Variants in DIS3L observed in about 807,000 individuals in gnomAD.
DIS3L encodes DIS3-like exonuclease 1.
A neutral mutation model predicts 120.3 loss-of-function variants in DIS3L; 100 were observed. The ratio of observed to expected loss-of-function variants is 0.83; its 90% CI spans 0.71 to 0.98. DIS3L has a LOEUF of 0.98. DIS3L is among the 50% of genes least tolerant of loss of function. The pLI is 0.00. For synonymous variants in DIS3L, 426 were observed against 470.6 expected (o/e 0.91, Z 1.23); for missense variants, 1,196 against 1,314.2 (o/e 0.91, Z 1.39).
intron 2 of DIS3L, among the ~76,000 whole-genome samples, chr15:66,296,346 A>G (rs2092586177): frequency 6.6e-6 from 1 of 152,114 alleles, no homozygotes; most frequent in South Asian, 2.1e-4. Flanking sequence ...ACTTGATGAA[A>G]AACTATTGGT....
chr15:66,325,294 T>A, intron 11 of DIS3L, among the ~76,000 whole-genome samples: 1 of 152,078 alleles, frequency 6.6e-6, no homozygotes, highest in East Asian at 1.9e-4. Context: ...CTCAGGTGGC[T>A]GAGGCAGGAG....
chr15:66,311,929 G>T, intron 5 of DIS3L, 29 bp downstream of exon 5: 2 of 1,610,422 alleles, frequency 1.2e-6, no homozygotes, highest in East Asian at 2.2e-5. Flanking sequence ...AATGTGTCAG[G>T]GCTGGGCACA....
At chr15:66,311,261 G>C (rs1020863146) in intron 4 of DIS3L, among the ~76,000 whole-genome samples, 1 of 151,860 alleles carries the variant, frequency 6.6e-6, no homozygotes, top group Non-Finnish European at 1.5e-5. Context: ...CACTTGGGGG[G>C]CTGAGGTGGG....
At position 66,315,566 on chromosome 15, in the gene DIS3L, C is replaced by T. The variant is rs113851830; in HGVS notation, c.994+351C>T. 1.1e-4 allele frequency among the ~76,000 whole-genome samples: 17 copies of T among 152,182 alleles called. 1 individual carries two copies. Among genetic ancestry groups the T allele is most frequent in the African/African-American group, 4.1e-4 (17 of 41,486 alleles). On this transcript the variant is annotated intron_variant, in intron 7 of 16. Transcript: ENST00000319212. ...GGTTGTACAATAATAGTTCCTAACA[C>T]GAGATATAGTCTCTTCCTCTCCATT...
chr15:66,327,580 A>G (rs2140407910), intron 12 of DIS3L, among the ~76,000 whole-genome samples: 1 of 151,904 alleles, frequency 6.6e-6, no homozygotes, highest in Non-Finnish European at 1.5e-5. Flanking sequence ...ACACGGTGAA[A>G]CCCCATCTCC....
At chr15:66,309,017 G>C (rs1389256328) in intron 4 of DIS3L, among the ~76,000 whole-genome samples, 173 bp downstream of exon 4, 1 of 141,914 alleles carries the variant, frequency 7.0e-6, no homozygotes, top group East Asian at 2.1e-4. Flanking sequence ...GCTGAGATGG[G>C]AAGATCACTT....
At chr15:66,295,521 GAA>G (rs1279670537) in intron 2 of DIS3L, among the ~76,000 whole-genome samples, 1 of 152,160 alleles carries the variant, frequency 6.6e-6, no homozygotes, top group African/African-American at 2.4e-5. Flanking sequence ...TTTTCTTGGG[GAA>G]AAGAGTACTT....
Position 66,293,588 on chromosome 15 carries a change from C to T in DIS3L, c.-9C>T. On this transcript the variant is annotated 5_prime_UTR_variant, in exon 1 of 17. Transcript: ENST00000319212. ...CCGCCACTCCGCGGCCGCCGGGAGACACGCCGCCATGCTGCAGAAGCGGGA... is the reference window on the plus strand; with the variant it reads ...CCGCCACTCCGCGGCCGCCGGGAGATACGCCGCCATGCTGCAGAAGCGGGA... 1 of 1,428,014 alleles carries T rather than the reference C, an allele frequency of 7.0e-7. No homozygotes were observed. The highest frequency in any genetic ancestry group is 9.2e-7 in the Non-Finnish European group (1 of 1,090,632). 88.5% of individuals were successfully genotyped at this position (1,428,014 alleles called of 1,614,324 possible).
At chr15:66,332,485 AGTGT>A (rs778480622) in intron 15 of DIS3L, among the ~76,000 whole-genome samples, 13,264 of 109,646 alleles carry the variant, frequency 0.12, 811 homozygotes, top group Non-Finnish European at 0.17. Flanking sequence ...TGAAGACTGG[AGTGT>A]GTGTGTGTGT....
intron 9 of DIS3L, among the ~76,000 whole-genome samples, chr15:66,321,125 T>G (rs2092878822): frequency 6.6e-6 from 1 of 152,180 alleles, no homozygotes; most frequent in Admixed American, 6.5e-5. Flanking sequence ...ATTCCTGGGA[T>G]CCATACATCT....
chr15:66,326,267 C>A lies in DIS3L; in HGVS notation c.2104C>A (p.His702Asn), dbSNP rs761837999. The A allele has an allele frequency of 1.2e-6, 2 of 1,614,206 alleles. No homozygotes were observed. The highest frequency in any genetic ancestry group is 4.5e-5 in the East Asian group (2 of 44,874). The change falls in exon 12 of 17, where the codon CAT becomes AAT. Residue 702 changes from histidine to asparagine, a missense_variant. His to Asn is a moderately conservative substitution (Grantham distance 68). Transcript: ENST00000319212. ...VAKKIWESFPHQALLRQHPPP... is the reference protein window; with the variant it reads ...VAKKIWESFPNQALLRQHPPP... Reference sequence around the variant, plus strand: ...CAAAAAGATCTGGGAGAGCTTCCCTCATCAGGCCTTGCTGCGCCAGCACCC... The same window carrying A: ...CAAAAAGATCTGGGAGAGCTTCCCTAATCAGGCCTTGCTGCGCCAGCACCC...
chr15:66,328,912 G>C, intron 12 of DIS3L, 58 bp from the exon 13 acceptor site: 2 of 1,562,714 alleles, frequency 1.3e-6, no homozygotes, highest in South Asian at 2.4e-5. Context: ...TCCCCTCAAA[G>C]TGTTGTCTTG....
intron 14 of DIS3L, among the ~76,000 whole-genome samples, chr15:66,331,133 C>T (rs1002415234): frequency 1.3e-5 from 2 of 151,874 alleles, no homozygotes; most frequent in South Asian, 2.1e-4. Context: ...CCAGCCTAGG[C>T]GATAGAGTGA....
chr15:66,307,396 G>A (rs772485011), intron 3 of DIS3L, among the ~76,000 whole-genome samples: 59 of 151,676 alleles, frequency 3.9e-4, no homozygotes, highest in Admixed American at 2.6e-3. Context: ...TCCTGAGCTC[G>A]AGTTATCCTC....
intron 15 of DIS3L, among the ~76,000 whole-genome samples, 192 bp from the exon 16 acceptor site, chr15:66,332,544 A>C (rs2093012346): frequency 1.4e-5 from 2 of 139,992 alleles, no homozygotes; most frequent in South Asian, 4.4e-4. Context: ...TTCTATATCC[A>C]TTTTAGGGTC....
At chr15:66,322,558 A>G (rs2092895825) in intron 9 of DIS3L, 129 bp from the exon 10 acceptor site, 7 of 1,417,430 alleles carry the variant, frequency 4.9e-6, no homozygotes, top group Non-Finnish European at 9.6e-7. Flanking sequence ...AAGGAAGCCA[A>G]CATAGGTTGA....
chr15:66,317,781 A>G (rs2092835001), intron 7 of DIS3L, among the ~76,000 whole-genome samples: 1 of 151,538 alleles, frequency 6.6e-6, no homozygotes, highest in African/African-American at 2.4e-5. Context: ...ACATATTATG[A>G]TAGTATCTGT....
chr15:66,327,405 A>G (rs1595761634), intron 12 of DIS3L, among the ~76,000 whole-genome samples: 1 of 152,140 alleles, frequency 6.6e-6, no homozygotes, highest in South Asian at 2.1e-4. Flanking sequence ...ACCACCCTCA[A>G]TTGAGTGAGA....
chr15:66,311,603 T>C (rs2092762097), intron 4 of DIS3L, 121 bp from the exon 5 acceptor site: 1 of 1,148,300 alleles, frequency 8.7e-7, no homozygotes. Flanking sequence ...GAAGTCCTGC[T>C]CACTGAGCAC....
Sources: gnomAD v4.1 joint callset for allele counts (sites outside exome capture counted in the v4.1 genomes callset) on GRCh38, gnomAD v4.1.1 for gene constraint, MANE v1.5 for transcripts, NCBI Gene and HGNC (gene_info 2026-07-23, HGNC 2026-07-21) for gene names.